The following DEAF1 variants were observed in gnomAD, a reference collection of about 807,000 sequenced individuals.
The protein encoded by DEAF1 is DEAF1 transcription factor.
In DEAF1, 53 loss-of-function variants were observed where a neutral mutation model predicts 58.9. The ratio of observed to expected loss-of-function variants is 0.90; its 90% CI spans 0.72 to 1.13. DEAF1 has a LOEUF of 1.13. Ranked by LOEUF, DEAF1 falls within the 50% of genes most tolerant of loss-of-function variation. DEAF1 has a pLI of 0.00. For missense variants in DEAF1, 685 were observed against 791.4 expected, an observed-to-expected ratio of 0.87 and a Z score of 1.61; for synonymous variants, 385 against 340.4, an observed-to-expected ratio of 1.13 and a Z score of -1.44.
chr11:703,676 TCTG>T (rs1298843801), intron 1 of DEAF1: 1 of 1,232,242 alleles, frequency 8.1e-7, no homozygotes, highest in East Asian at 3.2e-5. Flanking sequence ...CAACCCCAGC[TCTG>T]CCTCACAGGC....
chr11:672,771 C>A (rs1202260878), intron 10 of DEAF1, among the ~76,000 whole-genome samples: 2 of 152,022 alleles, frequency 1.3e-5, no homozygotes, highest in Non-Finnish European at 2.9e-5. Flanking sequence ...TCACTTGAAC[C>A]CGGGAGGAGG....
At position 670,771 on chromosome 11, in the gene DEAF1, G is replaced by GTTTTT. The variant is rs199899292; in HGVS notation, c.1503+3760_1503+3764dup. Among the ~76,000 whole-genome samples, 41 of 45,288 alleles carry GTTTTT rather than the reference G, an allele frequency of 9.1e-4. 1 individual carries two copies. Among genetic ancestry groups the GTTTTT allele is most frequent in the African/African-American group, 2.8e-3 (37 of 13,284 alleles). The allele number at this position is 45,288 out of a possible 152,430, so 29.7% of individuals were successfully genotyped here. A position where few individuals can be genotyped will look rare whatever the true frequency, so the allele number is the denominator to read the frequency against. ...CCTTTTTAATTTCTTTTTTCTTTTT[G>GTTTTT]TTTTTGTTTTTTTTTTTTTTTTTTG... On this transcript the variant is annotated intron_variant, in intron 10 of 11. Coordinates refer to ENST00000382409, the MANE Select transcript of DEAF1 (RefSeq NM_021008.4).
rs1356264555 is a variant in DEAF1 at position 694,928 on chromosome 11, C to T, written c.120G>A (p.Pro40=). ...CCGAGTCCTCGTCCCTGCTCAGCACCGGCTCCTCCGCCTCGCCTCCTGCCG... is the reference window on the plus strand; with the variant it reads ...CCGAGTCCTCGTCCCTGCTCAGCACTGGCTCCTCCGCCTCGCCTCCTGCCG... ...AAAAGGEAEE[P]VLSRDEDSEE... is the part of the protein sequence containing the mutation. The change falls in exon 1 of 12, where the codon CCG becomes CCA. Residue 40 remains proline (P), a synonymous_variant. Coordinates refer to ENST00000382409, the MANE Select transcript of DEAF1 (RefSeq NM_021008.4). The T allele has an allele frequency of 1.5e-6, 2 of 1,356,624 alleles. No individual in the cohort carries two copies. The highest frequency in any genetic ancestry group is 1.9e-5 in the South Asian group (1 of 51,564). The allele number at this position is 1,356,624 out of a possible 1,614,324, so 84.0% of individuals were successfully genotyped here. A position where few individuals can be genotyped will look rare whatever the true frequency, so the allele number is the denominator to read the frequency against.
At chr11:660,755 CG>C (rs1859285208) in intron 10 of DEAF1, among the ~76,000 whole-genome samples, 1 of 152,214 alleles carries the variant, frequency 6.6e-6, no homozygotes, top group Non-Finnish European at 1.5e-5. Context: ...ATTTGGCTCA[CG>C]TGAGTGTTAG....
chr11:653,074 ACT>A (rs1349226275), intron 11 of DEAF1, among the ~76,000 whole-genome samples: 82 of 113,844 alleles, frequency 7.2e-4, no homozygotes, highest in African/African-American at 2.8e-3. Context: ...ACAGAATGAG[ACT>A]CTGTCTCAAA....
intron 11 of DEAF1, among the ~76,000 whole-genome samples, chr11:648,795 G>C (rs548782574): frequency 2.6e-5 from 4 of 152,098 alleles, no homozygotes; most frequent in Non-Finnish European, 5.9e-5. Context: ...TAAAGATACT[G>C]TTTAAAAATG....
chr11:695,653 C>T, upstream of DEAF1: 1 of 1,244,648 alleles, frequency 8.0e-7, no homozygotes, highest in South Asian at 4.0e-5. Flanking sequence ...TCCGAAAGTG[C>T]CCGAGCGGTG....
At position 703,051 on chromosome 11, in the gene DEAF1, A is replaced by G. The variant is rs12803444; in HGVS notation, c.-438+3521T>C. 10 of 1,612,690 alleles carry G rather than the reference A, an allele frequency of 6.2e-6. No homozygotes were observed. The East Asian group carries it at 2.0e-4, about 32-fold the overall frequency. On this transcript the variant is annotated intron_variant, in intron 1 of 11. Transcript: ENST00000683307. ...CCCACTTCCTGCTTTGGCAGGCCCTAGTGTTGTGGGCGGACTGGGCCCTCA... is the reference window on the plus strand; with the variant it reads ...CCCACTTCCTGCTTTGGCAGGCCCTGGTGTTGTGGGCGGACTGGGCCCTCA...
intron 10 of DEAF1, among the ~76,000 whole-genome samples, chr11:669,942 A>G (rs949191790): frequency 2.6e-5 from 4 of 151,330 alleles, no homozygotes; most frequent in African/African-American, 4.8e-5. Flanking sequence ...AAAAAAAAAA[A>G]AAAAAAAAAA....
intron 5 of DEAF1, 26 bp from the exon 6 acceptor site, chr11:684,989 C>T (rs1860527680): frequency 2.6e-6 from 4 of 1,544,276 alleles, no homozygotes; most frequent in Middle Eastern, 1.7e-4. Flanking sequence ...AACCACCATG[C>T]ATTAGCAAGT....
At chr11:676,552 G>A (rs1030506577) in intron 9 of DEAF1, among the ~76,000 whole-genome samples, 1 of 151,698 alleles carries the variant, frequency 6.6e-6, no homozygotes, top group African/African-American at 2.4e-5. Context: ...TCGCTGTGTC[G>A]CCCAGGCTGG....
chr11:652,388 A>C (rs550573629), intron 11 of DEAF1, among the ~76,000 whole-genome samples: 7 of 152,320 alleles, frequency 4.6e-5, no homozygotes, highest in South Asian at 2.1e-4. Context: ...TTGCAATCCC[A>C]GCAATTTGGG....
At position 691,580 on chromosome 11, in the gene DEAF1, ACT is replaced by A; in HGVS notation, c.306_307del (p.Val103GlyfsTer29). On this transcript the variant is annotated frameshift_variant, in exon 2 of 12. Coordinates refer to ENST00000382409, the MANE Select transcript of DEAF1 (RefSeq NM_021008.4). LOFTEE classifies it high-confidence loss of function. The stretch of plus-strand genomic sequence containing the variant: ...GTCTGCAGCAGCCCCCACGTTGGCC[ACT>A]GTCACTGTGGTCACCTCTGCAACAG... The A allele has an allele frequency of 1.2e-6, 2 of 1,613,708 alleles. No individual in the cohort carries two copies. Among genetic ancestry groups the A allele is most frequent in the Non-Finnish European group, 1.7e-6 (2 of 1,179,990 alleles).
At chr11:673,624 A>C (rs1859928016) in intron 10 of DEAF1, among the ~76,000 whole-genome samples, 1 of 152,242 alleles carries the variant, frequency 6.6e-6, no homozygotes, top group Non-Finnish European at 1.5e-5. Flanking sequence ...TTTTGTTTAC[A>C]AACCAAAGTC....
chr11:654,587 A>T (rs1467518270), intron 10 of DEAF1: 1 of 454,868 alleles, frequency 2.2e-6, no homozygotes, highest in Admixed American at 2.4e-5. Flanking sequence ...CTGGAAGACC[A>T]GTATGGGCCG....
At chr11:655,598 G>A (rs569920977) in intron 10 of DEAF1, among the ~76,000 whole-genome samples, 2 of 152,202 alleles carry the variant, frequency 1.3e-5, no homozygotes, top group East Asian at 3.9e-4. Context: ...GCAGCACAGA[G>A]CAGCACAGGA....
chr11:662,935 C>T (rs1859378480), intron 10 of DEAF1, among the ~76,000 whole-genome samples: 2 of 152,210 alleles, frequency 1.3e-5, no homozygotes, highest in Admixed American at 6.5e-5. Flanking sequence ...GCCGCACCCC[C>T]AGAGGGCACG....
At chr11:663,324 T>C (rs1859394634) in intron 10 of DEAF1, among the ~76,000 whole-genome samples, 1 of 152,192 alleles carries the variant, frequency 6.6e-6, no homozygotes, top group South Asian at 2.1e-4. Flanking sequence ...GGCGCGTGCC[T>C]GTAATTCCAG....
chr11:656,203 TGGAGTGCA>T, intron 10 of DEAF1, among the ~76,000 whole-genome samples: 1 of 149,856 alleles, frequency 6.7e-6, no homozygotes, highest in East Asian at 2.0e-4. Context: ...TCGCCCAGCC[TGGAGTGCA>T]GTGGCACGAT....
Sources: gnomAD v4.1 joint callset for allele counts (sites outside exome capture counted in the v4.1 genomes callset) on GRCh38, gnomAD v4.1.1 for gene constraint, MANE v1.5 for transcripts, NCBI Gene and HGNC (gene_info 2026-07-23, HGNC 2026-07-21) for gene names.